GRM7: variants seen among roughly 807,000 people sequenced by gnomAD.
The protein encoded by GRM7 is metabotropic glutamate receptor 7.
Under a neutral mutation model 84.5 loss-of-function variants are expected in GRM7, and 35 were observed. The ratio of observed to expected loss-of-function variants is 0.41; its 90% CI spans 0.32 to 0.55. GRM7 has a LOEUF of 0.55. Ranked by LOEUF, GRM7 falls within the 20% of genes least tolerant of loss-of-function variation. The probability of loss-of-function intolerance (pLI) is 0.19; values close to 1 mark genes in which losing one functional copy is unlikely to be tolerated. For synonymous variants in GRM7, 487 were observed against 455.1 expected (o/e 1.07, Z -0.89); for missense variants, 1,003 against 1,194.6 (o/e 0.84, Z 2.36).
chr3:7,650,522 TTTG>T (rs1237920265), intron 8 of GRM7, among the ~76,000 whole-genome samples: 2 of 152,218 alleles, frequency 1.3e-5, no homozygotes, highest in African/African-American at 4.8e-5. Context: ...AAGTGTTGTT[TTTG>T]TTTTTTAATT....
intron 1 of GRM7, among the ~76,000 whole-genome samples, chr3:7,079,485 T>C (rs1698207771): frequency 6.6e-6 from 1 of 152,084 alleles, no homozygotes; most frequent in Non-Finnish European, 1.5e-5. Context: ...TGGAGAACTG[T>C]ACAAATGATT....
chr3:7,636,683 C>G (rs145796676), intron 8 of GRM7, among the ~76,000 whole-genome samples: 155 of 152,270 alleles, frequency 1.0e-3, no homozygotes, highest in African/African-American at 3.5e-3. Context: ...GTATGAAATT[C>G]TTCCCCATAA....
intron 1 of GRM7, among the ~76,000 whole-genome samples, chr3:6,889,745 AG>A (rs1341822351): frequency 2.0e-5 from 3 of 152,028 alleles, no homozygotes; most frequent in Non-Finnish European, 4.4e-5. Context: ...TGCTGGCCTC[AG>A]CAAATGAGTT....
At chr3:7,314,329 C>T (rs908162009) in intron 4 of GRM7, among the ~76,000 whole-genome samples, 34 of 151,140 alleles carry the variant, frequency 2.2e-4, no homozygotes, top group Non-Finnish European at 8.8e-5. Context: ...CTCCCTCCCC[C>T]CTAAAAATTG....
intron 7 of GRM7, among the ~76,000 whole-genome samples, chr3:7,464,975 G>T (rs144593354): frequency 4.6e-5 from 7 of 152,210 alleles, no homozygotes; most frequent in Non-Finnish European, 7.4e-5. Context: ...CAGCCCTGGC[G>T]AGAGTGCGAG....
At chr3:7,010,761 A>G (rs1033170266) in intron 1 of GRM7, among the ~76,000 whole-genome samples, 1 of 152,200 alleles carries the variant, frequency 6.6e-6, no homozygotes, top group Non-Finnish European at 1.5e-5. Context: ...CATGGGGTGG[A>G]GAGCCAGAGT....
intron 2 of GRM7, among the ~76,000 whole-genome samples, chr3:7,254,320 C>G (rs1176626214): frequency 1.3e-5 from 2 of 152,160 alleles, no homozygotes; most frequent in African/African-American, 4.8e-5. Context: ...TGTAACCAGT[C>G]CTAATCAGGA....
chr3:7,353,358 A>T (rs1693244801), intron 4 of GRM7, among the ~76,000 whole-genome samples: 1 of 152,124 alleles, frequency 6.6e-6, no homozygotes, highest in South Asian at 2.1e-4. Flanking sequence ...AGTGGAAGGA[A>T]CAAAAGTTGG....
intron 5 of GRM7, among the ~76,000 whole-genome samples, chr3:7,441,344 T>G (rs562010130): frequency 6.6e-6 from 1 of 152,274 alleles, no homozygotes; most frequent in East Asian, 1.9e-4. Context: ...ATTATTTGGT[T>G]TTTGCTTGTT....
chr3:7,036,910 T>C (rs1006967510), intron 1 of GRM7, among the ~76,000 whole-genome samples: 4 of 152,130 alleles, frequency 2.6e-5, no homozygotes, highest in Non-Finnish European at 5.9e-5. Flanking sequence ...ATCTACAAAA[T>C]GAGTCTGGCC....
chr3:6,913,525 G>A (rs1489308976), intron 1 of GRM7, among the ~76,000 whole-genome samples: 1 of 152,140 alleles, frequency 6.6e-6, no homozygotes, highest in Non-Finnish European at 1.5e-5. Flanking sequence ...CCAATTTGAT[G>A]TACTCTATTC....
intron 1 of GRM7, among the ~76,000 whole-genome samples, chr3:6,906,716 C>A (rs893384848): frequency 2.0e-5 from 3 of 152,054 alleles, no homozygotes; most frequent in African/African-American, 7.2e-5. Context: ...GTATAATATA[C>A]AGTGTGTCTC....
chr3:7,098,821 T>C (rs1442048282), intron 1 of GRM7, among the ~76,000 whole-genome samples: 3 of 151,968 alleles, frequency 2.0e-5, no homozygotes, highest in Non-Finnish European at 4.4e-5. Context: ...ATGCGTCTGA[T>C]GCATTTTCCA....
At chr3:6,971,947 A>G (rs1693774614) in intron 1 of GRM7, among the ~76,000 whole-genome samples, 4 of 152,332 alleles carry the variant, frequency 2.6e-5, no homozygotes, top group Admixed American at 1.3e-4. Flanking sequence ...TAAAGAAATG[A>G]TTAATAATAG....
chr3:7,423,514 G>A (rs917526266), intron 5 of GRM7, among the ~76,000 whole-genome samples: 6 of 152,038 alleles, frequency 3.9e-5, no homozygotes, highest in Non-Finnish European at 7.4e-5. Flanking sequence ...ATTATAAATC[G>A]GATGCTTAGA....
At chr3:7,627,391 A>C (rs1697662333) in intron 8 of GRM7, among the ~76,000 whole-genome samples, 1 of 152,182 alleles carries the variant, frequency 6.6e-6, no homozygotes, top group Admixed American at 6.5e-5. Context: ...AGAGGTTCTC[A>C]TTAGCTTATT....
chr3:6,913,907 C>A (rs1387240646), intron 1 of GRM7, among the ~76,000 whole-genome samples: 4 of 152,142 alleles, frequency 2.6e-5, no homozygotes, highest in African/African-American at 7.2e-5. Flanking sequence ...AAACAGTCTG[C>A]CAGATAAAAT....
intron 7 of GRM7, among the ~76,000 whole-genome samples, chr3:7,562,362 GA>G (rs74487225): frequency 0.14 from 20,483 of 146,376 alleles, 1,504 homozygotes; most frequent in African/African-American, 0.18. Context: ...TTTTTAAAAA[GA>G]AAAAAAAAAT....
intron 2 of GRM7, among the ~76,000 whole-genome samples, chr3:7,153,037 T>A (rs975894069): frequency 6.6e-6 from 1 of 151,952 alleles, no homozygotes; most frequent in African/African-American, 2.4e-5. Context: ...CACAGATAGA[T>A]GTGGTATCCA....
Sources: gnomAD v4.1 joint callset for allele counts (sites outside exome capture counted in the v4.1 genomes callset) on GRCh38, gnomAD v4.1.1 for gene constraint, MANE v1.5 for transcripts, NCBI Gene and HGNC (gene_info 2026-07-23, HGNC 2026-07-21) for gene names.